The following SNTG1 variants were observed in gnomAD, a reference collection of about 807,000 sequenced individuals.
SNTG1 encodes gamma-1-syntrophin.
In SNTG1, 39 loss-of-function variants were observed where a neutral mutation model predicts 74.7. The ratio of observed to expected loss-of-function variants is 0.52; its 90% confidence interval spans 0.40 to 0.68. SNTG1 has a LOEUF of 0.68. Ranked by LOEUF, SNTG1 falls within the 30% of genes least tolerant of loss-of-function variation. The probability of loss-of-function intolerance (pLI) is 0.00; values close to 1 mark genes in which losing one functional copy is unlikely to be tolerated. For missense variants in SNTG1, 685 were observed against 609.5 expected (o/e 1.12, Z -1.30); for synonymous variants, 254 against 217.1 (o/e 1.17, Z -1.49).
At chr8:49,937,888 T>C (rs533881796) in intron 1 of SNTG1, among the ~76,000 whole-genome samples, 24 of 152,252 alleles carry the variant, frequency 1.6e-4, no homozygotes, top group African/African-American at 5.8e-4. Context: ...TCCTTCTGAG[T>C]TCCTTTTTGA....
intron 1 of SNTG1, among the ~76,000 whole-genome samples, chr8:49,928,475 C>T (rs1807252010): frequency 4.6e-5 from 7 of 152,104 alleles, no homozygotes; most frequent in Admixed American, 3.9e-4. Flanking sequence ...AGGTGATCCT[C>T]CCACCTGGGC....
chr8:50,712,439 A>G lies in SNTG1; in HGVS notation c.1284+3461A>G, dbSNP rs147561474. 4.0e-3 allele frequency among the ~76,000 whole-genome samples: 616 copies of G among 152,304 alleles called. 11 individuals are homozygous for G. Among genetic ancestry groups the G allele is most frequent in the Admixed American group, 0.036 (545 of 15,302 alleles). On this transcript the variant is annotated intron_variant, in intron 17 of 18. Transcript: ENST00000642720. ...ATAATGTACGACTGAAATTAAGACAATCTGGGCAAAACCCAGATTCCAAAT... is the reference window on the plus strand; with the variant it reads ...ATAATGTACGACTGAAATTAAGACAGTCTGGGCAAAACCCAGATTCCAAAT...
chr8:50,717,876 G>A (rs1056884316), intron 17 of SNTG1, among the ~76,000 whole-genome samples: 2 of 152,168 alleles, frequency 1.3e-5, no homozygotes, highest in African/African-American at 4.8e-5. Context: ...CAGTACATGA[G>A]TACCAGCGAC....
At chr8:50,539,849 G>A (rs1218033252) in intron 11 of SNTG1, among the ~76,000 whole-genome samples, 1 of 152,190 alleles carries the variant, frequency 6.6e-6, no homozygotes, top group Admixed American at 6.5e-5. Flanking sequence ...ATTTGGGCAG[G>A]TATTGCCAAA....
At chr8:50,177,858 C>T (rs990591482) in intron 2 of SNTG1, among the ~76,000 whole-genome samples, 2 of 152,144 alleles carry the variant, frequency 1.3e-5, no homozygotes, top group Non-Finnish European at 2.9e-5. Flanking sequence ...ATATCCCCTA[C>T]GCTTCTCTTA....
chr8:50,513,907 A>ACTGCACCCACTCTC (rs545625901), intron 9 of SNTG1, among the ~76,000 whole-genome samples: 63 of 152,224 alleles, frequency 4.1e-4, no homozygotes, highest in African/African-American at 1.4e-3. Context: ...CGCTCAGTGC[A>ACTGCACCCACTCTC]CTGCACCCAC....
rs112331653 is a variant in SNTG1, at chr8:50,090,265, G to A, written c.-102-82296G>A. ...TTGTAAATTGGCTTAAATAAAAGGG[G>A]AATTGGTTGGCTCACGACTTGTAAC... On this transcript the variant is annotated intron_variant, in intron 1 of 18. Coordinates refer to ENST00000642720, the MANE Select transcript of SNTG1 (RefSeq NM_018967.5). Among the ~76,000 whole-genome samples, 11 of 152,270 alleles carry A rather than the reference G, an allele frequency of 7.2e-5. 1 individual carries two copies. Among genetic ancestry groups the A allele is most frequent in the African/African-American group, 2.4e-4 (10 of 41,562 alleles).
intron 4 of SNTG1, among the ~76,000 whole-genome samples, chr8:50,413,699 G>A (rs2092979331): frequency 6.6e-6 from 1 of 152,114 alleles, no homozygotes. Context: ...AGTAACATTT[G>A]GATGGATGTT....
At chr8:50,416,872 TA>T (rs1323248998) in intron 4 of SNTG1, among the ~76,000 whole-genome samples, 5 of 1,270 alleles carry the variant, frequency 3.9e-3, no homozygotes, top group Non-Finnish European at 0.018. Flanking sequence ...GTCAAGCAGA[TA>T]GATACTTGTT....
intron 8 of SNTG1, among the ~76,000 whole-genome samples, chr8:50,451,081 G>A (rs2131626321): frequency 6.6e-6 from 1 of 152,126 alleles, no homozygotes; most frequent in Middle Eastern, 3.4e-3. Flanking sequence ...ATTTATGCCT[G>A]TAGAATCTCA....
rs564755643 is a variant in SNTG1 at position 50,599,011 on chromosome 8, G to A, written c.849+8094G>A. Reference sequence around the variant, plus strand: ...CTATGGTAGGTGTGTATATTTATTGGGTGCAAGAGGTACTTTAATATAGGC... The same window carrying A: ...CTATGGTAGGTGTGTATATTTATTGAGTGCAAGAGGTACTTTAATATAGGC... On this transcript the variant is annotated intron_variant, in intron 13 of 18. Coordinates refer to ENST00000642720, the MANE Select transcript of SNTG1 (RefSeq NM_018967.5). Among the ~76,000 whole-genome samples the A allele has an allele frequency of 1.7e-3, 252 of 151,864 alleles. 1 individual carries two copies. The highest frequency in any genetic ancestry group is 5.8e-3 in the African/African-American group (241 of 41,456).
rs182141325 is a variant in SNTG1 at position 50,637,998 on chromosome 8, G to A, written c.850-18911G>A. On this transcript the variant is annotated intron_variant, in intron 13 of 18. Coordinates refer to ENST00000642720, the MANE Select transcript of SNTG1 (RefSeq NM_018967.5). ...AAAACATGACTTATCTATGTGATAG[G>A]TAGAAGAATTACCCCCAAAGATGTA... Among the ~76,000 whole-genome samples, 514 of 152,090 alleles carry A rather than the reference G, an allele frequency of 3.4e-3. 2 individuals are homozygous for A. The highest frequency in any genetic ancestry group is 4.9e-3 in the Non-Finnish European group (334 of 67,966).
intron 2 of SNTG1, among the ~76,000 whole-genome samples, chr8:50,391,957 T>A (rs2092668124): frequency 6.6e-6 from 1 of 152,090 alleles, no homozygotes; most frequent in Non-Finnish European, 1.5e-5. Flanking sequence ...ACTGCTAAGG[T>A]CTTTAAAAAT....
chr8:50,619,565 A>G (rs943014191), intron 13 of SNTG1, among the ~76,000 whole-genome samples: 7 of 151,940 alleles, frequency 4.6e-5, no homozygotes, highest in African/African-American at 7.3e-5. Context: ...CTCTGTATCT[A>G]CTAAAAGTAT....
intron 2 of SNTG1, among the ~76,000 whole-genome samples, chr8:50,222,337 TA>T (rs1554611664): frequency 6.6e-6 from 1 of 152,170 alleles, no homozygotes; most frequent in Non-Finnish European, 1.5e-5. Context: ...AAATTTCTCC[TA>T]GTTAGATTGG....
chr8:50,346,659 CAA>C (rs1310999763), intron 2 of SNTG1, among the ~76,000 whole-genome samples: 1 of 152,154 alleles, frequency 6.6e-6, no homozygotes, highest in Non-Finnish European at 1.5e-5. Flanking sequence ...GTTGTGAATG[CAA>C]AGAGAAAGAT....
intron 2 of SNTG1, among the ~76,000 whole-genome samples, chr8:50,198,819 C>G (rs2083876144): frequency 6.6e-6 from 1 of 151,764 alleles, no homozygotes; most frequent in Non-Finnish European, 1.5e-5. Flanking sequence ...GCATCACAAT[C>G]ATTAGGAGGT....
rs567365346 is a variant in SNTG1, at chr8:50,566,947, G to A, written c.810+13768G>A. 3.2e-4 allele frequency among the ~76,000 whole-genome samples: 48 copies of A among 152,060 alleles called. No homozygotes were observed. The South Asian group carries it at 9.1e-3, about 29-fold the overall frequency. On this transcript the variant is annotated intron_variant, in intron 12 of 18. Coordinates refer to ENST00000642720, the MANE Select transcript of SNTG1 (RefSeq NM_018967.5). ...TCCCTTATATGATGCTGAAACATTT[G>A]CAATTTTTCTTCTTTCCAGTTGAAT...
At chr8:50,442,999 C>G (rs191767642) in intron 5 of SNTG1, among the ~76,000 whole-genome samples, 68 of 152,266 alleles carry the variant, frequency 4.5e-4, no homozygotes, top group Non-Finnish European at 9.3e-4. Flanking sequence ...TCTCAAGTGC[C>G]CATCCTCTGG....
Sources: allele counts gnomAD v4.1 joint callset (sites outside exome capture counted in the v4.1 genomes callset), GRCh38; gene constraint gnomAD v4.1.1; transcripts MANE v1.5; gene names NCBI Gene and HGNC (gene_info 2026-07-23, HGNC 2026-07-21).